MTMR12: variants seen among roughly 807,000 people sequenced by gnomAD.
MTMR12 encodes myotubularin related protein 12.
In MTMR12, 33 loss-of-function variants were observed where a neutral mutation model predicts 96.7. The observed-to-expected ratio is 0.34, with a 90% CI of 0.26 to 0.46. The LOEUF (loss-of-function observed/expected upper bound fraction) is 0.46. MTMR12 is among the 20% of genes least tolerant of loss of function. The pLI is 1.00. For missense variants in MTMR12, 721 were observed against 896.1 expected, an observed-to-expected ratio of 0.80 and a Z score of 2.49; for synonymous variants, 298 against 327.2, an observed-to-expected ratio of 0.91 and a Z score of 0.96.
At chr5:32,308,048 G>T (rs984376138) in intron 1 of MTMR12, among the ~76,000 whole-genome samples, 1 of 152,266 alleles carries the variant, frequency 6.6e-6, no homozygotes, top group Admixed American at 6.5e-5. Context: ...AGTTGGCTGG[G>T]TGGGGTGGCT....
chr5:32,303,037 C>G (rs1359462554), intron 1 of MTMR12, among the ~76,000 whole-genome samples: 1 of 152,158 alleles, frequency 6.6e-6, no homozygotes, highest in Non-Finnish European at 1.5e-5. Context: ...TTTATGCACT[C>G]TTAAGATTAA....
At chr5:32,310,966 T>C (rs1201707256) in intron 1 of MTMR12, among the ~76,000 whole-genome samples, 3 of 151,530 alleles carry the variant, frequency 2.0e-5, no homozygotes, top group Admixed American at 6.6e-5. Flanking sequence ...CTCTGCCTCC[T>C]GGGTTCAAGC....
intron 1 of MTMR12, among the ~76,000 whole-genome samples, chr5:32,303,340 C>T (rs149271473): frequency 3.3e-5 from 5 of 152,200 alleles, no homozygotes; most frequent in Admixed American, 1.3e-4. Context: ...AGTTGCGATA[C>T]GGGAGGTAAG....
At chr5:32,237,800 G>A (rs1049536508) in intron 13 of MTMR12, among the ~76,000 whole-genome samples, 5 of 151,588 alleles carry the variant, frequency 3.3e-5, no homozygotes, top group African/African-American at 4.8e-5. Flanking sequence ...GGGAGCCACC[G>A]TGCCTGGCCC....
chr5:32,239,096 T>C lies in MTMR12; in HGVS notation c.1249A>G (p.Ile417Val). The C allele has an allele frequency of 6.2e-7, 1 of 1,610,010 alleles. No individual in the cohort carries two copies. The highest frequency in any genetic ancestry group is 8.5e-7 in the Non-Finnish European group (1 of 1,178,140). The change falls in exon 13 of 16, where the codon ATT becomes GTT. Residue 417 changes from isoleucine (I) to valine (V), a missense_variant. Coordinates refer to ENST00000382142, the MANE Select transcript of MTMR12 (RefSeq NM_001040446.3). ...TTTTGGATGAGGCTCTGGAAACCAATTCTGGTTCTGCAGTGGGGGTCCATC... is the reference window on the plus strand; with the variant it reads ...TTTTGGATGAGGCTCTGGAAACCAACTCTGGTTCTGCAGTGGGGGTCCATC... ...LMMDPHCRTR[I>V]GFQSLIQKEW...
chr5:32,258,994 G>A (rs559208344), intron 7 of MTMR12, among the ~76,000 whole-genome samples: 1 of 151,798 alleles, frequency 6.6e-6, no homozygotes, highest in South Asian at 2.1e-4. Context: ...GAGACGAAGA[G>A]CACTGCAGTC....
At chr5:32,310,066 G>A (rs148833855) in intron 1 of MTMR12, among the ~76,000 whole-genome samples, 6 of 152,324 alleles carry the variant, frequency 3.9e-5, no homozygotes, top group African/African-American at 9.6e-5. Flanking sequence ...TACAATCCCA[G>A]CACTTTGGGA....
chr5:32,284,691 T>C (rs2112115796), intron 1 of MTMR12, among the ~76,000 whole-genome samples: 1 of 152,278 alleles, frequency 6.6e-6, no homozygotes, highest in Non-Finnish European at 1.5e-5. Flanking sequence ...TTAGTAGATG[T>C]TGACAACCTT....
chr5:32,263,267 A>C, intron 6 of MTMR12, 25 bp from the exon 7 acceptor site: 1 of 1,612,304 alleles, frequency 6.2e-7, no homozygotes, highest in Non-Finnish European at 8.5e-7. Flanking sequence ...TGTAAAAGAC[A>C]ATAAAATCTT....
At chr5:32,242,172 T>C in intron 11 of MTMR12, 45 bp from the exon 12 acceptor site, 2 of 1,434,158 alleles carry the variant, frequency 1.4e-6, no homozygotes, top group South Asian at 1.2e-5. Context: ...GTTCATGAGC[T>C]TGGTAACACA....
At chr5:32,274,171 G>A (rs778537504) in intron 2 of MTMR12, 49 bp from the exon 3 acceptor site, 25 of 1,593,402 alleles carry the variant, frequency 1.6e-5, no homozygotes, top group Middle Eastern at 1.7e-4. Flanking sequence ...GGGAACATAC[G>A]ATATGCAAAC....
At chr5:32,300,786 T>C (rs532126231) in intron 1 of MTMR12, among the ~76,000 whole-genome samples, 22 of 152,268 alleles carry the variant, frequency 1.4e-4, no homozygotes, top group Non-Finnish European at 2.9e-4. Flanking sequence ...ATAAAGAGAT[T>C]TGTAGGGGCC....
chr5:32,274,062 T>C lies in MTMR12; in HGVS notation c.203A>G (p.Gln68Arg). The C allele has an allele frequency of 6.2e-7, 1 of 1,614,216 alleles. No individual in the cohort carries two copies. Among genetic ancestry groups the C allele is most frequent in the Middle Eastern group, 1.6e-4 (1 of 6,062 alleles). ...GACAAGCCTCCCATAGACCCCATGC[T>C]GACAGGAATCTTCCTGGACATACTT... is the stretch of plus-strand genomic sequence containing the variant. ...VLKYVQEDSC[Q>R]HGVYGRLVCT... Residue 68 changes from glutamine (Q) to arginine (R), a missense_variant, in exon 3 of 16, where the codon CAG becomes CGG. Coordinates refer to ENST00000382142, the MANE Select transcript of MTMR12 (RefSeq NM_001040446.3).
At chr5:32,261,492 A>C (rs1230014785) in intron 7 of MTMR12, among the ~76,000 whole-genome samples, 1 of 152,074 alleles carries the variant, frequency 6.6e-6, no homozygotes, top group African/African-American at 2.4e-5. Flanking sequence ...GCAAAACCTT[A>C]CTTCCACCAT....
Position 32,312,801 on chromosome 5 carries a change from G to T in MTMR12, c.38C>A (p.Thr13Asn), listed in dbSNP as rs746136571. The T allele has an allele frequency of 6.5e-7, 1 of 1,533,696 alleles. No individual in the cohort carries two copies. The highest frequency in any genetic ancestry group is 2.0e-5 in the Admixed American group (1 of 49,738). Residue 13 changes from threonine to asparagine, a missense_variant, in exon 1 of 16, where the codon ACC (threonine) becomes AAC (asparagine). Coordinates refer to ENST00000382142, the MANE Select transcript of MTMR12 (RefSeq NM_001040446.3). The surrounding 1 kb of genome is among the most constrained non-coding windows in gnomAD (Gnocchi z 5.0). The part of the protein sequence containing the change: ...GKGVVGGGGG[T>N]KAPKPSFVSY... ...CACGAAGGAGGGCTTGGGGGCCTTG[G>T]TGCCGCCGCCACCGCCGACTACTCC...
At chr5:32,288,363 C>T (rs1344147698) in intron 1 of MTMR12, among the ~76,000 whole-genome samples, 4 of 152,168 alleles carry the variant, frequency 2.6e-5, no homozygotes, top group African/African-American at 9.7e-5. Context: ...AAACTCTGCA[C>T]TGCCTGAGGC....
At position 32,243,518 on chromosome 5, in the gene MTMR12, T is replaced by C. The variant is rs1276599539; in HGVS notation, c.1100+3A>G. On this transcript the variant is annotated splice_donor_region_variant and intron_variant, in intron 11 of 15. Transcript: ENST00000382142. Reference sequence around the variant, plus strand: ...TCATGAGTAAAACAATGGTTTGAAATACCTGATTATGTCAAGCCAGCTGCT... The same window carrying C: ...TCATGAGTAAAACAATGGTTTGAAACACCTGATTATGTCAAGCCAGCTGCT... The C allele has an allele frequency of 6.2e-7, 1 of 1,604,502 alleles. No individual in the cohort carries two copies. The highest frequency in any genetic ancestry group is 8.5e-7 in the Non-Finnish European group (1 of 1,172,216).
chr5:32,278,517 A>C (rs748501577), intron 1 of MTMR12, among the ~76,000 whole-genome samples: 9 of 152,300 alleles, frequency 5.9e-5, no homozygotes, highest in Middle Eastern at 3.4e-3. Context: ...GCTTTTCCTG[A>C]GAACTCATTT....
rs190365442 is a variant in MTMR12, at chr5:32,265,089, T to G, written c.584-1847A>C. ...CCTAAAATGCCATGTCATAAACATTTAGGACCTTCCAACCAAAACACATTT... is the reference window on the plus strand; with the variant it reads ...CCTAAAATGCCATGTCATAAACATTGAGGACCTTCCAACCAAAACACATTT... On this transcript the variant is annotated intron_variant, in intron 6 of 15. Transcript: ENST00000382142. Among the ~76,000 whole-genome samples, 386 of 152,332 alleles carry G rather than the reference T, an allele frequency of 2.5e-3. 3 individuals carry two copies. Among genetic ancestry groups the G allele is most frequent in the Non-Finnish European group, 3.8e-3 (261 of 68,018 alleles).
Sources: gnomAD v4.1 joint callset for allele counts (sites outside exome capture counted in the v4.1 genomes callset) on GRCh38, gnomAD v4.1.1 for gene constraint, Gnocchi (gnomAD v3.1) non-coding constraint, MANE v1.5 for transcripts, NCBI Gene and HGNC (gene_info 2026-07-23, HGNC 2026-07-21) for gene names.